NFIX: variants seen among roughly 807,000 people sequenced by gnomAD.
NFIX encodes the protein nuclear factor I X, also known as nuclear factor 1 X-type.
In NFIX, 2 loss-of-function variants were observed where a neutral mutation model predicts 53.3. The observed-to-expected ratio is 0.04, with a 90% CI of 0.02 to 0.12. The LOEUF (loss-of-function observed/expected upper bound fraction) is 0.12. Ranked by LOEUF, NFIX falls within the 10% of genes least tolerant of loss-of-function variation. The probability of loss-of-function intolerance (pLI) is 1.00; values close to 1 mark genes in which losing one functional copy is unlikely to be tolerated. For synonymous variants in NFIX, 244 were observed against 289.0 expected (o/e 0.84, Z 1.58); for missense variants, 310 against 674.5 (o/e 0.46, Z 5.99).
rs558753640 is a variant in NFIX at position 13,037,974 on chromosome 19, G to A, written c.559+12422G>A. Among the ~76,000 whole-genome samples, 3 of 152,186 alleles carry A rather than the reference G, an allele frequency of 2.0e-5. No homozygotes were observed. Among genetic ancestry groups the A allele is most frequent in the Non-Finnish European group, 4.4e-5 (3 of 68,026 alleles). ...CCCTGCTGTGCGTGGTCTCTCCTCA[G>A]GACGCCTCTTGCCTCTGCTAGCAGA... is the stretch of plus-strand genomic sequence containing the variant. On this transcript the variant is annotated intron_variant, in intron 2 of 10. Transcript: ENST00000592199. This position sits in a 1 kb window ranked among gnomAD's most constrained non-coding sequence, Gnocchi z 4.2.
At chr19:13,071,242 G>A (rs1937971260) in intron 2 of NFIX, 1 of 152,340 alleles carries the variant, frequency 6.6e-6, no homozygotes, top group African/African-American at 2.4e-5. Context: ...GGGGTCTGAG[G>A]AGGCCCTGGG....
intron 2 of NFIX, among the ~76,000 whole-genome samples, chr19:13,041,943 G>C (rs1599770775): frequency 6.6e-6 from 1 of 152,040 alleles, no homozygotes; most frequent in South Asian, 2.1e-4. Context: ...TGTCGCCCAG[G>C]CTGGAGTGCA....
rs1449636251 is a variant in NFIX at position 13,036,587 on chromosome 19, C to T, written c.559+11035C>T. Among the ~76,000 whole-genome samples the T allele has an allele frequency of 6.6e-6, 1 of 152,128 alleles. No individual in the cohort carries two copies. Among genetic ancestry groups the T allele is most frequent in the Non-Finnish European group, 1.5e-5 (1 of 68,010 alleles). On this transcript the variant is annotated intron_variant, in intron 2 of 10. Transcript: ENST00000592199. The surrounding 1 kb of genome is among the most constrained non-coding windows in gnomAD (Gnocchi z 4.7). The stretch of plus-strand genomic sequence containing the variant: ...TCCCCGGAGGCGACCTGCAGGAGGC[C>T]AGCCGAGTGCAGCCCTTGGGGAGTG...
Position 13,093,758 on chromosome 19 carries a change from C to A in NFIX, c.1495-877C>A, listed in dbSNP as rs528064454. Among the ~76,000 whole-genome samples the A allele has an allele frequency of 6.6e-5, 10 of 152,140 alleles. No homozygotes were observed. Among genetic ancestry groups the A allele is most frequent in the Non-Finnish European group, 1.3e-4 (9 of 68,014 alleles). ...CATTTTCAGGGACCCTCATTTTGCC[C>A]CAACGGTACTACCAGGTGCACCCAG... On this transcript the variant is annotated intron_variant, in intron 10 of 10. Transcript: ENST00000592199. The surrounding 1 kb of genome is among the most constrained non-coding windows in gnomAD (Gnocchi z 4.7).
chr19:13,054,024 C>T (rs2015491165), intron 2 of NFIX, among the ~76,000 whole-genome samples: 1 of 152,210 alleles, frequency 6.6e-6, no homozygotes, highest in Non-Finnish European at 1.5e-5. Context: ...GTTTCCTGAG[C>T]ACGGATCCCA....
chr19:13,002,209 C>CT lies in NFIX; in HGVS notation c.27+6348dup, dbSNP rs2011745402. Among the ~76,000 whole-genome samples the CT allele has an allele frequency of 6.7e-6, 1 of 150,194 alleles. No individual in the cohort carries two copies. Among genetic ancestry groups the CT allele is most frequent in the Non-Finnish European group, 1.5e-5 (1 of 67,418 alleles). On this transcript the variant is annotated intron_variant, in intron 1 of 10. Transcript: ENST00000592199. The surrounding 1 kb of genome is among the most constrained non-coding windows in gnomAD (Gnocchi z 6.1). ...CTTCTTTCCCCCTTTCTCTCTCTCT[C>CT]TTTCCTCCCTCTCTCCTCCCCTCCT...
At chr19:13,038,669 G>T (rs574587241) in intron 2 of NFIX, among the ~76,000 whole-genome samples, 7 of 152,360 alleles carry the variant, frequency 4.6e-5, no homozygotes, top group Non-Finnish European at 8.8e-5. Flanking sequence ...TTTAGTGCCT[G>T]TTTAGTTTAC....
At chr19:13,003,104 G>C (rs556380437) in intron 1 of NFIX, among the ~76,000 whole-genome samples, 8 of 152,152 alleles carry the variant, frequency 5.3e-5, no homozygotes, top group Admixed American at 3.9e-4. Context: ...GGGGAGTTGG[G>C]GGGGGGTTTA....
At chr19:13,091,029 A>AT (rs2018106897) in intron 10 of NFIX, among the ~76,000 whole-genome samples, 1 of 152,150 alleles carries the variant, frequency 6.6e-6, no homozygotes, top group South Asian at 2.1e-4. Flanking sequence ...CAAGCAGGGC[A>AT]TAAGACTACT....
chr19:13,071,196 C>A (rs2016754416), intron 2 of NFIX: 1 of 152,214 alleles, frequency 6.6e-6, no homozygotes, highest in Non-Finnish European at 1.5e-5. Flanking sequence ...GAGGTTGTGC[C>A]CTTCCTGAGC....
At chr19:13,075,478 C>T in intron 5 of NFIX, 57 bp from the exon 6 acceptor site, 1 of 1,589,318 alleles carries the variant, frequency 6.3e-7, no homozygotes, top group Non-Finnish European at 8.6e-7. Flanking sequence ...GACTCTTGGT[C>T]ACTCCCTGGA....
chr19:13,062,527 G>A (rs760771930), intron 2 of NFIX, among the ~76,000 whole-genome samples: 8 of 152,348 alleles, frequency 5.3e-5, no homozygotes, highest in Middle Eastern at 3.4e-3. Context: ...TGGTCTAGTG[G>A]GGTGTTCCTG....
Position 13,013,377 on chromosome 19 carries a change from C to T in NFIX, c.28-11644C>T, listed in dbSNP as rs1306260189. 2.0e-5 allele frequency among the ~76,000 whole-genome samples: 3 copies of T among 152,180 alleles called. No homozygotes were observed. The highest frequency in any genetic ancestry group is 2.1e-4 in the South Asian group (1 of 4,826). On this transcript the variant is annotated intron_variant, in intron 1 of 10. Transcript: ENST00000592199. This position sits in a 1 kb window ranked among gnomAD's most constrained non-coding sequence, Gnocchi z 5.9. ...TCAGAGAAAGCCGCCCGTCCCCAGT[C>T]CCCTCGGAAGCCGGTCATAAACCCG...
At position 13,060,301 on chromosome 19, in the gene NFIX, G is replaced by A. The variant is rs2015993217; in HGVS notation, c.560-12746G>A. On this transcript the variant is annotated intron_variant, in intron 2 of 10. Transcript: ENST00000592199. The surrounding 1 kb of genome is among the most constrained non-coding windows in gnomAD (Gnocchi z 4.3). ...CAGCCCCCACTCTGAGGAAGCCTTG[G>A]ATGGGCCATTCCTGGCCCAGAGCCT... Among the ~76,000 whole-genome samples, 1 of 152,240 alleles carries A rather than the reference G, an allele frequency of 6.6e-6. No homozygotes were observed. Among genetic ancestry groups the A allele is most frequent in the Admixed American group, 6.5e-5 (1 of 15,294 alleles).
intron 8 of NFIX, among the ~76,000 whole-genome samples, chr19:13,084,288 C>CA (rs1379707162): frequency 1.3e-5 from 2 of 151,950 alleles, no homozygotes; most frequent in African/African-American, 4.8e-5. Context: ...TACTAAAATA[C>CA]AAAAAATTAG....
chr19:13,089,634 C>T lies in NFIX; in HGVS notation c.1403-665C>T, dbSNP rs948866831. On this transcript the variant is annotated intron_variant, in intron 9 of 10. Coordinates refer to ENST00000592199, the MANE Select transcript of NFIX (RefSeq NM_001365902.3). This position sits in a 1 kb window ranked among gnomAD's most constrained non-coding sequence, Gnocchi z 4.8. Reference sequence around the variant, plus strand: ...AAGCCAGGCAGCCAGCTCCTAGGCCCTTCTCTGACCCTGCCCTACCTGGCT... The same window carrying T: ...AAGCCAGGCAGCCAGCTCCTAGGCCTTTCTCTGACCCTGCCCTACCTGGCT... Among the ~76,000 whole-genome samples, 1 of 152,250 alleles carries T rather than the reference C, an allele frequency of 6.6e-6. No individual in the cohort carries two copies. The highest frequency in any genetic ancestry group is 2.4e-5 in the African/African-American group (1 of 41,478).
At chr19:13,024,713 C>T (rs2013178789) in intron 1 of NFIX, 2 of 1,535,874 alleles carry the variant, frequency 1.3e-6, no homozygotes, top group Non-Finnish European at 1.7e-6. Flanking sequence ...TGTCTGTGCG[C>T]GTGTGTGTGA....
intron 10 of NFIX, among the ~76,000 whole-genome samples, chr19:13,091,400 CAA>C (rs57370192): frequency 4.9e-4 from 28 of 57,170 alleles, no homozygotes; most frequent in East Asian, 1.0e-3. Context: ...TTCCTTCCCT[CAA>C]AAAAAAAAAA....
rs2011743605 is a variant in NFIX at position 13,002,195 on chromosome 19, CT to C, written c.27+6334del. ...AACTGAGGTCCCCCCTTCTTTCCCCCTTTCTCTCTCTCTCTTTCCTCCCTCT... is the reference window on the plus strand; with the variant it reads ...AACTGAGGTCCCCCCTTCTTTCCCCCTTCTCTCTCTCTCTTTCCTCCCTCT... On this transcript the variant is annotated intron_variant, in intron 1 of 10. Transcript: ENST00000592199. This position sits in a 1 kb window ranked among gnomAD's most constrained non-coding sequence, Gnocchi z 6.1. Among the ~76,000 whole-genome samples the C allele has an allele frequency of 6.6e-6, 1 of 150,622 alleles. No individual in the cohort carries two copies. Among genetic ancestry groups the C allele is most frequent in the South Asian group, 2.1e-4 (1 of 4,722 alleles).
Sources: gnomAD v4.1 joint callset for allele counts (sites outside exome capture counted in the v4.1 genomes callset) on GRCh38, gnomAD v4.1.1 for gene constraint, Gnocchi (gnomAD v3.1) non-coding constraint, MANE v1.5 for transcripts, NCBI Gene and HGNC (gene_info 2026-07-23, HGNC 2026-07-21) for gene names.